The following ASAP1 variants were observed in gnomAD, a reference collection of about 807,000 sequenced individuals.
ASAP1 encodes the protein ArfGAP with SH3 domain, ankyrin repeat and PH domain 1, also known as arf-GAP with SH3 domain, ANK repeat and PH domain-containing protein 1.
In ASAP1, 43 loss-of-function variants were observed where a neutral mutation model predicts 145.2. The observed-to-expected ratio is 0.30, with a 90% confidence interval of 0.23 to 0.38. The LOEUF (loss-of-function observed/expected upper bound fraction) is 0.38. Among genes scored for constraint, ASAP1 ranks in the 10% least tolerant of loss-of-function variants. The pLI is 1.00. For synonymous variants in ASAP1, 546 were observed against 515.5 expected, an observed-to-expected ratio of 1.06 and a Z score of -0.80; for missense variants, 1,018 against 1,355.3, an observed-to-expected ratio of 0.75 and a Z score of 3.91.
intron 4 of ASAP1, among the ~76,000 whole-genome samples, chr8:130,223,442 T>C (rs1033557467): frequency 2.0e-5 from 3 of 152,226 alleles, no homozygotes; most frequent in African/African-American, 7.2e-5. Context: ...ATTAATTTCA[T>C]TTACTCCAAA....
intron 9 of ASAP1, among the ~76,000 whole-genome samples, chr8:130,171,427 C>G (rs147766661): frequency 1.3e-5 from 2 of 151,578 alleles, no homozygotes; most frequent in African/African-American, 4.8e-5. Flanking sequence ...CTTCACAGGG[C>G]GGCAGGAGAG....
intron 3 of ASAP1, among the ~76,000 whole-genome samples, chr8:130,282,489 G>C (rs966600394): frequency 3.3e-5 from 5 of 152,056 alleles, no homozygotes; most frequent in African/African-American, 1.2e-4. Context: ...ATTGCAATAC[G>C]ACTGTTACCA....
At chr8:130,174,314 G>T (rs1175113707) in intron 9 of ASAP1, among the ~76,000 whole-genome samples, 1 of 152,176 alleles carries the variant, frequency 6.6e-6, no homozygotes. Flanking sequence ...GCACATGTGT[G>T]AGTTCTGACT....
intron 1 of ASAP1, among the ~76,000 whole-genome samples, chr8:130,411,625 CT>C (rs2138643699): frequency 6.6e-6 from 1 of 152,268 alleles, no homozygotes; most frequent in Non-Finnish European, 1.5e-5. Flanking sequence ...GATGATGATA[CT>C]TTTAACAGAG....
intron 23 of ASAP1, among the ~76,000 whole-genome samples, chr8:130,114,428 A>T (rs569219205): frequency 6.6e-6 from 1 of 152,356 alleles, no homozygotes; most frequent in Admixed American, 6.5e-5. Context: ...AAAATGGTAC[A>T]TCTATGTAGG....
chr8:130,113,301 T>C (rs2097549599), intron 23 of ASAP1, among the ~76,000 whole-genome samples: 1 of 152,152 alleles, frequency 6.6e-6, no homozygotes, highest in African/African-American at 2.4e-5. Context: ...ATCCAGACTC[T>C]ACCATGACTC....
intron 3 of ASAP1, among the ~76,000 whole-genome samples, chr8:130,327,788 TC>T (rs1238550189): frequency 2.0e-5 from 3 of 152,162 alleles, no homozygotes; most frequent in African/African-American, 7.2e-5. Flanking sequence ...TTACAGGACT[TC>T]CTTTTGCATG....
intron 2 of ASAP1, among the ~76,000 whole-genome samples, chr8:130,373,475 A>T (rs1240159135): frequency 6.6e-6 from 1 of 152,246 alleles, no homozygotes; most frequent in Non-Finnish European, 1.5e-5. Context: ...CACAAAAAAT[A>T]AATTCTAAAT....
chr8:130,134,099 C>T (rs1235411374), intron 15 of ASAP1, among the ~76,000 whole-genome samples, 197 bp downstream of exon 15: 1 of 152,044 alleles, frequency 6.6e-6, no homozygotes, highest in African/African-American at 2.4e-5. Context: ...GCAGGAGGTA[C>T]CAGAGCTTAT....
chr8:130,092,804 A>G (rs2097508336), intron 24 of ASAP1, among the ~76,000 whole-genome samples: 1 of 152,128 alleles, frequency 6.6e-6, no homozygotes. Context: ...CTACCAGCAA[A>G]ATCAACAGAG....
intron 4 of ASAP1, among the ~76,000 whole-genome samples, chr8:130,217,415 C>A (rs1344632743): frequency 4.6e-5 from 7 of 151,646 alleles, no homozygotes; most frequent in Non-Finnish European, 1.0e-4. Flanking sequence ...ATTCTCTGTA[C>A]CTCTACTGCA....
intron 26 of ASAP1, among the ~76,000 whole-genome samples, chr8:130,076,673 A>C (rs1199089474): frequency 6.6e-6 from 1 of 152,048 alleles, no homozygotes; most frequent in East Asian, 1.9e-4. Flanking sequence ...GGTGCCCACC[A>C]CCACACCCGG....
chr8:130,358,576 C>A lies in ASAP1; in HGVS notation c.60-433G>T, dbSNP rs1223170604. 6.8e-6 allele frequency among the ~76,000 whole-genome samples: 1 copy of A among 147,130 alleles called. No individual in the cohort carries two copies. The highest frequency in any genetic ancestry group is 2.5e-5 in the African/African-American group (1 of 40,794). ...CCTCCTCAGACGCGCTGACAGGCGG[C>A]GGCGCGGGCCTGACTGACTGAGCGC... On this transcript the variant is annotated intron_variant, in intron 2 of 29. Transcript: ENST00000518721. The surrounding 1 kb of genome is among the most constrained non-coding windows in gnomAD (Gnocchi z 4.1).
chr8:130,115,120 C>T (rs2097553011), intron 23 of ASAP1, among the ~76,000 whole-genome samples: 2 of 152,150 alleles, frequency 1.3e-5, no homozygotes, highest in South Asian at 4.1e-4. Flanking sequence ...AAATACTAGT[C>T]TAGATGTTGC....
At chr8:130,112,758 C>T (rs147446349) in intron 23 of ASAP1, among the ~76,000 whole-genome samples, 273 of 152,250 alleles carry the variant, frequency 1.8e-3, no homozygotes, top group South Asian at 3.9e-3. Flanking sequence ...ATTTTATATC[C>T]CCCTGCAAAG....
intron 3 of ASAP1, among the ~76,000 whole-genome samples, chr8:130,243,160 T>C (rs1042354090): frequency 6.6e-6 from 1 of 152,164 alleles, no homozygotes; most frequent in Non-Finnish European, 1.5e-5. Context: ...AACCCTTTGC[T>C]AGAAGAAATG....
chr8:130,189,018 T>A (rs1229337026), intron 5 of ASAP1, among the ~76,000 whole-genome samples: 1 of 152,106 alleles, frequency 6.6e-6, no homozygotes, highest in Non-Finnish European at 1.5e-5. Context: ...TTGCTCAGAT[T>A]TATCTTTTAA....
chr8:130,167,278 A>G (rs539233679), intron 11 of ASAP1, among the ~76,000 whole-genome samples: 7 of 151,302 alleles, frequency 4.6e-5, no homozygotes, highest in Non-Finnish European at 1.0e-4. Flanking sequence ...CCTGGGTGAC[A>G]GAGTGAGACC....
chr8:130,111,412 A>T (rs1480605939), intron 24 of ASAP1, among the ~76,000 whole-genome samples: 1 of 152,114 alleles, frequency 6.6e-6, no homozygotes, highest in Non-Finnish European at 1.5e-5. Context: ...AGAGAGTACA[A>T]GAGAATGGGC....
Sources: gnomAD v4.1 joint callset for allele counts (sites outside exome capture counted in the v4.1 genomes callset) on GRCh38, gnomAD v4.1.1 for gene constraint, Gnocchi (gnomAD v3.1) non-coding constraint, MANE v1.5 for transcripts, NCBI Gene and HGNC (gene_info 2026-07-23, HGNC 2026-07-21) for gene names.